Variants in PRKG1 observed in about 807,000 individuals in gnomAD.
The protein encoded by PRKG1 is protein kinase cGMP-dependent 1.
In PRKG1, 35 loss-of-function variants were observed where a neutral mutation model predicts 88.1. The observed-to-expected ratio is 0.40, with a 90% CI of 0.30 to 0.53. The LOEUF (loss-of-function observed/expected upper bound fraction) is 0.53, where lower values mean the gene tolerates loss of function less well. Ranked by LOEUF, PRKG1 falls within the 20% of genes least tolerant of loss-of-function variation. PRKG1 has a pLI of 0.59. For synonymous variants in PRKG1, 303 were observed against 292.5 expected (o/e 1.04, Z -0.37); for missense variants, 540 against 839.8 (o/e 0.64, Z 4.41).
chr10:51,153,233 C>G lies in PRKG1; in HGVS notation c.381C>G (p.Ile127Met). 1 of 1,612,476 alleles carries G rather than the reference C, an allele frequency of 6.2e-7. No individual in the cohort carries two copies. Among genetic ancestry groups the G allele is most frequent in the African/African-American group, 1.3e-5 (1 of 74,864 alleles). The change falls in exon 2 of 18, where the codon ATC (isoleucine) becomes ATG (methionine). Residue 127 changes from isoleucine (I) to methionine (M), a missense_variant. Physicochemically the swap from Ile to Met is conservative, Grantham distance 10. Transcript: ENST00000373980. ...TGAAGAACTTGGAGCTGTCGCAGAT[C>G]CAGGAGATTGTGGATTGTATGTACC... ...DFMKNLELSQIQEIVDCMYPV... is the reference protein window; with the variant it reads ...DFMKNLELSQMQEIVDCMYPV...
chr10:51,711,725 T>C (rs1260964622), intron 3 of PRKG1, among the ~76,000 whole-genome samples: 1 of 152,100 alleles, frequency 6.6e-6, no homozygotes, highest in African/African-American at 2.4e-5. Flanking sequence ...AAGCTGTCAG[T>C]GATTGTGGGT....
At chr10:51,231,436 TC>T (rs1838841926) in intron 2 of PRKG1, among the ~76,000 whole-genome samples, 1 of 152,154 alleles carries the variant, frequency 6.6e-6, no homozygotes, top group South Asian at 2.1e-4. Flanking sequence ...CTCATGGCTG[TC>T]CCCTGAGGAG....
intron 7 of PRKG1, among the ~76,000 whole-genome samples, chr10:52,121,426 A>G (rs1486796593): frequency 1.3e-5 from 2 of 152,208 alleles, no homozygotes; most frequent in Middle Eastern, 3.4e-3. Context: ...CCAGTCTGAG[A>G]GTTTTCCAAA....
At chr10:51,044,466 C>T (rs1843462612) in intron 1 of PRKG1, among the ~76,000 whole-genome samples, 1 of 152,174 alleles carries the variant, frequency 6.6e-6, no homozygotes, top group African/African-American at 2.4e-5. Flanking sequence ...GGAAGACCTT[C>T]CTCCTCTCTT....
chr10:51,788,450 A>G (rs1349002288), intron 3 of PRKG1, among the ~76,000 whole-genome samples: 1 of 152,188 alleles, frequency 6.6e-6, no homozygotes, highest in Non-Finnish European at 1.5e-5. Flanking sequence ...GTCATCTGCC[A>G]GCAGAGAAGG....
At chr10:51,580,956 C>A (rs1268617256) in intron 3 of PRKG1, among the ~76,000 whole-genome samples, 1 of 152,020 alleles carries the variant, frequency 6.6e-6, no homozygotes, top group East Asian at 1.9e-4. Context: ...CCAGGTGGAT[C>A]AGCAGGTCGA....
intron 4 of PRKG1, among the ~76,000 whole-genome samples, chr10:51,811,705 T>C (rs1839460598): frequency 6.6e-6 from 1 of 152,236 alleles, no homozygotes; most frequent in African/African-American, 2.4e-5. Context: ...CAATCTTGAC[T>C]AAACATATGT....
intron 2 of PRKG1, among the ~76,000 whole-genome samples, chr10:51,278,349 A>C (rs1439222583): frequency 6.6e-6 from 1 of 152,136 alleles, no homozygotes; most frequent in African/African-American, 2.4e-5. Context: ...TGCTGGATTC[A>C]GTTTGCCCGT....
chr10:51,953,243 T>C lies in PRKG1; in HGVS notation c.762+45673T>C, dbSNP rs568324482. ...TCGTAGGAAATTTACAAGGAGAAAA[T>C]AATATAAAAGTGGTTCACCTTCGCC... On this transcript the variant is annotated intron_variant, in intron 5 of 17. Coordinates refer to ENST00000373980, the MANE Select transcript of PRKG1 (RefSeq NM_006258.4). Among the ~76,000 whole-genome samples, 4 of 152,184 alleles carry C rather than the reference T, an allele frequency of 2.6e-5. No homozygotes were observed. In the South Asian group the frequency reaches 8.3e-4, roughly 32 times the overall value.
At chr10:51,582,603 C>T (rs1034627395) in intron 3 of PRKG1, among the ~76,000 whole-genome samples, 2 of 152,114 alleles carry the variant, frequency 1.3e-5, no homozygotes, top group Non-Finnish European at 2.9e-5. Flanking sequence ...TGGCTTCCAG[C>T]TTCATCCATG....
chr10:52,137,991 C>T (rs931832721), intron 8 of PRKG1, among the ~76,000 whole-genome samples: 14 of 151,914 alleles, frequency 9.2e-5, no homozygotes, highest in African/African-American at 3.4e-4. Flanking sequence ...TATTAGTAAA[C>T]CTTAAAGAGT....
At chr10:52,255,731 C>T (rs1006673888) in intron 10 of PRKG1, among the ~76,000 whole-genome samples, 8 of 152,046 alleles carry the variant, frequency 5.3e-5, no homozygotes, top group African/African-American at 1.9e-4. Flanking sequence ...AGGAACAAGA[C>T]GTCTTGCAGG....
chr10:51,566,556 T>C (rs148516104), intron 3 of PRKG1, among the ~76,000 whole-genome samples: 193 of 152,228 alleles, frequency 1.3e-3, no homozygotes, highest in African/African-American at 4.2e-3. Flanking sequence ...AAAATAATTT[T>C]TCTTAGTGAA....
intron 2 of PRKG1, among the ~76,000 whole-genome samples, chr10:51,418,426 A>T (rs1170569600): frequency 2.0e-5 from 3 of 152,224 alleles, no homozygotes; most frequent in African/African-American, 7.2e-5. Context: ...AGAGGAAAGA[A>T]CATTCATTAC....
At position 51,674,610 on chromosome 10, in the gene PRKG1, C is replaced by T. The variant is rs928247461; in HGVS notation, c.593-129975C>T. Among the ~76,000 whole-genome samples the T allele has an allele frequency of 2.6e-5, 4 of 152,074 alleles. No individual in the cohort carries two copies. In the South Asian group the frequency reaches 8.3e-4, roughly 31 times the overall value. On this transcript the variant is annotated intron_variant, in intron 3 of 17. Transcript: ENST00000373980. ...AAGCAGTATTTTGAATAAAGAATAACTTTACATCTCAAAACTGCTCAACAG... is the reference window on the plus strand; with the variant it reads ...AAGCAGTATTTTGAATAAAGAATAATTTTACATCTCAAAACTGCTCAACAG...
At chr10:51,908,338 T>A (rs1215251900) in intron 5 of PRKG1, 1 of 152,062 alleles carries the variant, frequency 6.6e-6, no homozygotes, top group East Asian at 1.9e-4. Flanking sequence ...GAATTGACAA[T>A]AGAGAGATTA....
chr10:52,089,635 G>A (rs901477527), intron 7 of PRKG1, among the ~76,000 whole-genome samples: 6 of 152,036 alleles, frequency 3.9e-5, no homozygotes, highest in African/African-American at 1.2e-4. Flanking sequence ...TTTAGAAGTA[G>A]AGATGTCAGT....
At chr10:51,830,951 T>A (rs956706013) in intron 4 of PRKG1, among the ~76,000 whole-genome samples, 5 of 142,662 alleles carry the variant, frequency 3.5e-5, no homozygotes, top group Admixed American at 1.3e-4. Context: ...AAATCTGTGC[T>A]ACCTTTCTTT....
intron 2 of PRKG1, among the ~76,000 whole-genome samples, chr10:51,155,734 G>A (rs1228897806): frequency 6.6e-6 from 1 of 151,954 alleles, no homozygotes; most frequent in Non-Finnish European, 1.5e-5. Context: ...GCTGCAATTC[G>A]AGTCTGAAAG....
Sources: gnomAD v4.1 joint callset for allele counts (sites outside exome capture counted in the v4.1 genomes callset) on GRCh38, gnomAD v4.1.1 for gene constraint, MANE v1.5 for transcripts, NCBI Gene and HGNC (gene_info 2026-07-23, HGNC 2026-07-21) for gene names.